The following SYT9 variants were observed in gnomAD, a reference collection of about 807,000 sequenced individuals.
SYT9 encodes the protein synaptotagmin 9, also known as synaptotagmin-9.
Under a neutral mutation model 48.4 loss-of-function variants are expected in SYT9, and 22 were observed. That is an observed-to-expected ratio of 0.45 (90% CI 0.32 to 0.65). The LOEUF is 0.65. SYT9 is among the 30% of genes least tolerant of loss of function. SYT9 has a pLI of 0.03. For synonymous variants in SYT9, 265 were observed against 245.0 expected (o/e 1.08, Z -0.76); for missense variants, 577 against 622.0 (o/e 0.93, Z 0.77).
intron 3 of SYT9, among the ~76,000 whole-genome samples, chr11:7,357,557 C>T (rs1484632599): frequency 6.6e-6 from 1 of 152,078 alleles, no homozygotes; most frequent in Non-Finnish European, 1.5e-5. Context: ...AGTAAGCTTC[C>T]ATATATGCAT....
At chr11:7,455,446 A>C (rs572589011) in intron 6 of SYT9, among the ~76,000 whole-genome samples, 1 of 149,238 alleles carries the variant, frequency 6.7e-6, no homozygotes, top group East Asian at 2.0e-4. Context: ...CGATTCTCCT[A>C]CCTCAGCCTC....
chr11:7,427,628 C>A (rs1051043357), intron 6 of SYT9: 4 of 152,190 alleles, frequency 2.6e-5, no homozygotes, highest in Non-Finnish European at 2.9e-5. Context: ...AGCAGTTTTA[C>A]ACAAGGTAAT....
intron 3 of SYT9, among the ~76,000 whole-genome samples, chr11:7,319,936 TAAG>T (rs987523026): frequency 8.5e-5 from 13 of 152,312 alleles, no homozygotes; most frequent in Admixed American, 7.2e-4. Flanking sequence ...TGCTACACAT[TAAG>T]AAGAATTTTT....
intron 3 of SYT9, among the ~76,000 whole-genome samples, chr11:7,354,259 A>G (rs186849209): frequency 4.6e-5 from 7 of 152,012 alleles, no homozygotes; most frequent in Admixed American, 6.6e-5. Context: ...CATCACCTAT[A>G]CTCCAGCCAT....
intron 6 of SYT9, among the ~76,000 whole-genome samples, chr11:7,445,008 C>T (rs753979286): frequency 1.3e-5 from 2 of 152,176 alleles, no homozygotes; most frequent in African/African-American, 4.8e-5. Context: ...TATTTAAAAG[C>T]ATGAGTGCTG....
chr11:7,454,544 G>T (rs190362201), intron 6 of SYT9, among the ~76,000 whole-genome samples: 11 of 152,234 alleles, frequency 7.2e-5, no homozygotes, highest in African/African-American at 2.6e-4. Context: ...AAGACAATGC[G>T]AGTAACTGAA....
chr11:7,302,998 G>A, intron 1 of SYT9, 41 bp from the exon 2 acceptor site: 1 of 1,572,546 alleles, frequency 6.4e-7, no homozygotes, highest in African/African-American at 1.3e-5. Flanking sequence ...TGGGCTTGAG[G>A]GGAATGACCA....
chr11:7,308,100 T>G (rs16924621), intron 2 of SYT9, among the ~76,000 whole-genome samples: 16,467 of 152,308 alleles, frequency 0.11, 964 homozygotes, highest in East Asian at 0.23. Flanking sequence ...CTTCTGTGTC[T>G]GCCTGTGGTT....
intron 3 of SYT9, among the ~76,000 whole-genome samples, chr11:7,328,854 G>A (rs1589948932): frequency 6.6e-6 from 1 of 152,050 alleles, no homozygotes; most frequent in East Asian, 1.9e-4. Context: ...AAAAACATAG[G>A]TATGCAAATC....
chr11:7,310,632 G>A (rs1471811289), intron 2 of SYT9, among the ~76,000 whole-genome samples: 3 of 152,088 alleles, frequency 2.0e-5, no homozygotes, highest in African/African-American at 7.2e-5. Flanking sequence ...ATTTTTAGCA[G>A]AGATGGGGTT....
At chr11:7,407,905 T>C (rs1847053289) in intron 3 of SYT9, among the ~76,000 whole-genome samples, 1 of 152,240 alleles carries the variant, frequency 6.6e-6, no homozygotes, top group Non-Finnish European at 1.5e-5. Context: ...TTTATACCAA[T>C]ACTATGTTGT....
chr11:7,322,834 C>T (rs1849361278), intron 3 of SYT9, among the ~76,000 whole-genome samples: 1 of 152,094 alleles, frequency 6.6e-6, no homozygotes, highest in South Asian at 2.1e-4. Flanking sequence ...TATCTGTATA[C>T]TGAATTTTAT....
At chr11:7,339,666 A>G (rs1849682835) in intron 3 of SYT9, among the ~76,000 whole-genome samples, 1 of 151,976 alleles carries the variant, frequency 6.6e-6, no homozygotes, top group African/African-American at 2.4e-5. Context: ...TTCCTTAAGA[A>G]CTTTGAATAT....
At chr11:7,413,816 T>G (rs1273439426) in intron 3 of SYT9, among the ~76,000 whole-genome samples, 2 of 151,954 alleles carry the variant, frequency 1.3e-5, no homozygotes. Flanking sequence ...TAAGCTGTAC[T>G]TGTACTCCTG....
chr11:7,280,077 A>G (rs1848466607), intron 1 of SYT9, among the ~76,000 whole-genome samples: 1 of 152,272 alleles, frequency 6.6e-6, no homozygotes, highest in South Asian at 2.1e-4. Context: ...GTACATCTGT[A>G]AACAACTAAT....
chr11:7,396,241 G>C (rs139498013), intron 3 of SYT9, among the ~76,000 whole-genome samples: 5 of 152,022 alleles, frequency 3.3e-5, no homozygotes, highest in Non-Finnish European at 5.9e-5. Context: ...TCCTACTCCT[G>C]GTCTCCTGCA....
chr11:7,351,000 G>A (rs1050275123), intron 3 of SYT9, among the ~76,000 whole-genome samples: 2 of 152,136 alleles, frequency 1.3e-5, no homozygotes, highest in Non-Finnish European at 2.9e-5. Flanking sequence ...AACAAAACCA[G>A]TGATTTTTTA....
chr11:7,240,459 C>T (rs928733269), intron 1 of SYT9, among the ~76,000 whole-genome samples: 1 of 152,020 alleles, frequency 6.6e-6, no homozygotes, highest in African/African-American at 2.4e-5. Flanking sequence ...CTGTTTTTTT[C>T]TTGAATAATA....
At chr11:7,382,973 A>G (rs1433643558) in intron 3 of SYT9, among the ~76,000 whole-genome samples, 1 of 152,218 alleles carries the variant, frequency 6.6e-6, no homozygotes, top group Admixed American at 6.5e-5. Context: ...GTTAATATCT[A>G]TAAGTAAAGT....
Sources: allele counts gnomAD v4.1 joint callset (sites outside exome capture counted in the v4.1 genomes callset), GRCh38; gene constraint gnomAD v4.1.1; transcripts MANE v1.5; gene names NCBI Gene and HGNC (gene_info 2026-07-23, HGNC 2026-07-21).